RBM25: variants seen among roughly 807,000 people sequenced by gnomAD.
RBM25 encodes RNA binding motif protein 25.
RBM25 carries 19 observed loss-of-function variants against 120.7 expected under a neutral mutation model. That is an observed-to-expected ratio of 0.16 (90% CI 0.11 to 0.23). RBM25 has a LOEUF of 0.23. RBM25 is among the 10% of genes least tolerant of loss of function. RBM25 has a pLI of 1.00. For missense variants in RBM25, 605 were observed against 1,041.5 expected (o/e 0.58, Z 5.77); for synonymous variants, 390 against 326.7 (o/e 1.19, Z -2.09).
chr14:73,087,148 A>G (rs1005786175), intron 5 of RBM25, among the ~76,000 whole-genome samples: 1 of 152,074 alleles, frequency 6.6e-6, no homozygotes, highest in South Asian at 2.1e-4. Flanking sequence ...TTTATTTTCA[A>G]TTTGTTGGTT....
chr14:73,113,931 G>T (rs750713292), intron 17 of RBM25, among the ~76,000 whole-genome samples: 11 of 152,082 alleles, frequency 7.2e-5, no homozygotes, highest in Non-Finnish European at 1.6e-4. Context: ...TAACATAGTA[G>T]AAACACCATA....
chr14:73,114,081 T>TAAAATTAAA lies in RBM25; in HGVS notation c.2392-204_2392-203insAAATTAAAA, dbSNP rs1479269142. ...TGTGAGATTTGACTTAAAATTAGAC[T>TAAAATTAAA]ACAGACCACTATGGAGATTAATATT... is the stretch of plus-strand genomic sequence containing the variant. On this transcript the variant is annotated intron_variant, in intron 17 of 18. Coordinates refer to ENST00000261973, the MANE Select transcript of RBM25 (RefSeq NM_021239.3). 3.5e-3 allele frequency among the ~76,000 whole-genome samples: 528 copies of TAAAATTAAA among 152,338 alleles called. 5 individuals carry two copies. Among genetic ancestry groups the TAAAATTAAA allele is most frequent in the African/African-American group, 0.012 (500 of 41,564 alleles).
At chr14:73,071,349 A>G (rs766702822) in intron 1 of RBM25, among the ~76,000 whole-genome samples, 5 of 151,466 alleles carry the variant, frequency 3.3e-5, no homozygotes, top group Non-Finnish European at 7.4e-5. Flanking sequence ...TAATTTTTGG[A>G]TATTAACTGA....
At position 73,122,743 on chromosome 14, in the gene RBM25, G is replaced by C. The variant is rs1344067898; in HGVS notation, c.*2938G>C. On this transcript the variant is annotated 3_prime_UTR_variant, in exon 19 of 19. Transcript: ENST00000261973. Reference sequence around the variant, plus strand: ...TTAATGTGACCCCAAATCATCTGAGGAGTGCTTGTAGAAATAGAGACACTG... The same window carrying C: ...TTAATGTGACCCCAAATCATCTGAGCAGTGCTTGTAGAAATAGAGACACTG... The C allele has an allele frequency of 6.6e-6, 1 of 152,136 alleles. No homozygotes were observed. The highest frequency in any genetic ancestry group is 1.5e-5 in the Non-Finnish European group (1 of 68,020). 9.4% of individuals were successfully genotyped at this position (152,136 alleles called of 1,614,324 possible).
chr14:73,079,603 A>T (rs1218996740), intron 4 of RBM25, among the ~76,000 whole-genome samples: 1 of 150,540 alleles, frequency 6.6e-6, no homozygotes, highest in Non-Finnish European at 1.5e-5. Context: ...CAATCTTGCC[A>T]TCCTCTGGAA....
intron 17 of RBM25, 112 bp from the exon 18 acceptor site, chr14:73,114,174 C>A: frequency 1.3e-6 from 1 of 751,312 alleles, no homozygotes; most frequent in Non-Finnish European, 2.1e-6. Flanking sequence ...AGAATGGTTC[C>A]TTAGCCGCAA....
At chr14:73,118,716 C>T (rs908428987) in intron 18 of RBM25, among the ~76,000 whole-genome samples, 2 of 151,828 alleles carry the variant, frequency 1.3e-5, no homozygotes, top group Non-Finnish European at 2.9e-5. Context: ...GTTTAGTAAG[C>T]CATGGAATTT....
At chr14:73,109,599 C>T (rs1165603619) in intron 14 of RBM25, 107 bp downstream of exon 14, 10 of 1,029,624 alleles carry the variant, frequency 9.7e-6, no homozygotes, top group Non-Finnish European at 1.4e-5. Context: ...CGAGATCATC[C>T]TGGCTAACAC....
rs150992885 is a variant in RBM25, at chr14:73,111,001, C to T, written c.1863C>T (p.Ser621=). 1,211 of 1,614,106 alleles carry T rather than the reference C, an allele frequency of 7.5e-4. 10 individuals carry two copies. The African/African-American group carries it at 0.015, about 20-fold the overall frequency. ...PCLKPTLRPI[S]SAPSVSSASG... The stretch of plus-strand genomic sequence containing the variant: ...TGAAACCTACTCTGAGGCCCATCAG[C>T]TCTGCTCCATCTGTTTCCTCTGCCA... The change falls in exon 15 of 19, where the codon AGC becomes AGT. Residue 621 remains serine, a synonymous_variant. Coordinates refer to ENST00000261973, the MANE Select transcript of RBM25 (RefSeq NM_021239.3).
At chr14:73,058,858 G>A (rs150244069) in intron 1 of RBM25, 153 bp downstream of exon 1, 13 of 152,256 alleles carry the variant, frequency 8.5e-5, no homozygotes, top group Non-Finnish European at 1.3e-4. Flanking sequence ...TCGGCACGAG[G>A]CTTGGTTTCT....
At chr14:73,106,840 CTTT>C (rs34359815) in intron 12 of RBM25, among the ~76,000 whole-genome samples, 4 of 142,994 alleles carry the variant, frequency 2.8e-5, no homozygotes, top group Non-Finnish European at 4.6e-5. Context: ...TATGTATATA[CTTT>C]TTTTTTTTTT....
intron 17 of RBM25, among the ~76,000 whole-genome samples, chr14:73,112,551 G>A (rs1425400373): frequency 6.6e-6 from 1 of 151,854 alleles, no homozygotes; most frequent in African/African-American, 2.4e-5. Flanking sequence ...TGCCAATTGT[G>A]TGCTGTCTTT....
At chr14:73,088,261 A>G (rs1201954544) in intron 6 of RBM25, 100 bp downstream of exon 6, 1 of 1,424,360 alleles carries the variant, frequency 7.0e-7, no homozygotes. Context: ...TCAAAAGATC[A>G]TCATGTATGT....
At chr14:73,063,151 TAG>T (rs1895044493) in intron 1 of RBM25, among the ~76,000 whole-genome samples, 1 of 150,470 alleles carries the variant, frequency 6.6e-6, no homozygotes, top group Non-Finnish European at 1.5e-5. Flanking sequence ...TCGTGGGCTA[TAG>T]AGTTTCTTTT....
intron 10 of RBM25, among the ~76,000 whole-genome samples, chr14:73,104,295 A>G (rs1008390052): frequency 9.4e-5 from 14 of 149,364 alleles, no homozygotes; most frequent in African/African-American, 3.2e-4. Flanking sequence ...TTTACTATCT[A>G]CCTCTACCTC....
At chr14:73,114,151 T>C in intron 17 of RBM25, 135 bp from the exon 18 acceptor site, 1 of 607,420 alleles carries the variant, frequency 1.6e-6, no homozygotes, top group South Asian at 2.4e-5. Flanking sequence ...ATTCTGAAAA[T>C]TAAAACATTT....
chr14:73,101,703 G>C (rs362422), intron 9 of RBM25: 6 of 152,022 alleles, frequency 3.9e-5, no homozygotes, highest in Non-Finnish European at 7.4e-5. Context: ...AATTCTACAG[G>C]AAAAATTAGT....
At position 73,114,268 on chromosome 14, in the gene RBM25, A is replaced by G. The variant is rs191192097; in HGVS notation, c.2392-18A>G. The G allele has an allele frequency of 2.7e-6, 4 of 1,497,732 alleles. No individual in the cohort carries two copies. The highest frequency in any genetic ancestry group is 2.9e-5 in the African/African-American group (2 of 69,960). 92.8% of individuals were successfully genotyped at this position (1,497,732 alleles called of 1,614,324 possible). On this transcript the variant is annotated intron_variant, in intron 17 of 18. Coordinates refer to ENST00000261973, the MANE Select transcript of RBM25 (RefSeq NM_021239.3). ...TTTTTTATTTATTTTTAATGTGACAATTATTTTTCTCTTTTAGGTTATGGC... is the reference window on the plus strand; with the variant it reads ...TTTTTTATTTATTTTTAATGTGACAGTTATTTTTCTCTTTTAGGTTATGGC...
chr14:73,091,915 GA>G (rs1364491648), intron 6 of RBM25, among the ~76,000 whole-genome samples: 10 of 151,594 alleles, frequency 6.6e-5, no homozygotes, highest in African/African-American at 2.4e-4. Flanking sequence ...AAATCACACA[GA>G]AAAATTATTT....
Sources: allele counts gnomAD v4.1 joint callset (sites outside exome capture counted in the v4.1 genomes callset), GRCh38; gene constraint gnomAD v4.1.1; transcripts MANE v1.5; gene names NCBI Gene and HGNC (gene_info 2026-07-23, HGNC 2026-07-21).